RBBP8: variants seen among roughly 807,000 people sequenced by gnomAD.
RBBP8 encodes the protein RB binding protein 8, endonuclease.
Under a neutral mutation model 108.3 loss-of-function variants are expected in RBBP8, and 88 were observed. The observed-to-expected ratio is 0.81, with a 90% confidence interval of 0.68 to 0.97. RBBP8 has a LOEUF of 0.97. RBBP8 is among the 50% of genes least tolerant of loss of function. The probability of loss-of-function intolerance (pLI) is 0.00; values close to 1 mark genes in which losing one functional copy is unlikely to be tolerated. For synonymous variants in RBBP8, 332 were observed against 348.2 expected, an observed-to-expected ratio of 0.95 and a Z score of 0.52; for missense variants, 1,023 against 1,049.0, an observed-to-expected ratio of 0.98 and a Z score of 0.34.
At chr18:22,960,703 G>A (rs1913021641) in intron 4 of RBBP8, among the ~76,000 whole-genome samples, 1 of 152,132 alleles carries the variant, frequency 6.6e-6, no homozygotes, top group Non-Finnish European at 1.5e-5. Flanking sequence ...CTCCCAAAGT[G>A]CTAAGATTAT....
chr18:22,991,380 A>G (rs1009347282), intron 10 of RBBP8, among the ~76,000 whole-genome samples: 1 of 152,228 alleles, frequency 6.6e-6, no homozygotes, highest in Non-Finnish European at 1.5e-5. Flanking sequence ...AAATGCATCT[A>G]GAAGCTTGGA....
At chr18:22,932,980 A>ACC (rs1694700924), upstream of RBBP8, among the ~76,000 whole-genome samples, 1 of 152,104 alleles carries the variant, frequency 6.6e-6, no homozygotes, top group Non-Finnish European at 1.5e-5. Context: ...CCGCGTCCAT[A>ACC]CCCCCCATCA....
chr18:22,947,456 G>A (rs937797685), intron 3 of RBBP8, among the ~76,000 whole-genome samples: 6 of 151,922 alleles, frequency 3.9e-5, no homozygotes, highest in African/African-American at 1.4e-4. Flanking sequence ...AGACAGGAAG[G>A]TTTGTTATCT....
chr18:23,002,306 C>A (rs1352570468), intron 15 of RBBP8, among the ~76,000 whole-genome samples: 1 of 152,090 alleles, frequency 6.6e-6, no homozygotes, highest in Non-Finnish European at 1.5e-5. Flanking sequence ...TACTTGGGGG[C>A]TGGAGCGAGA....
chr18:23,005,792 C>T (rs1271693624), intron 15 of RBBP8, among the ~76,000 whole-genome samples: 1 of 152,290 alleles, frequency 6.6e-6, no homozygotes, highest in South Asian at 2.1e-4. Context: ...TTCTTTTATA[C>T]TCTAAAATAC....
intron 1 of RBBP8, among the ~76,000 whole-genome samples, chr18:22,936,533 C>T (rs1029512780): frequency 4.6e-5 from 7 of 152,066 alleles, no homozygotes; most frequent in Non-Finnish European, 8.8e-5. Flanking sequence ...GAAAATTTGC[C>T]TGAAAATTTA....
At chr18:22,958,154 ATCT>A (rs1408463209) in intron 4 of RBBP8, among the ~76,000 whole-genome samples, 2 of 152,306 alleles carry the variant, frequency 1.3e-5, no homozygotes, top group South Asian at 2.1e-4. Flanking sequence ...GACAATAGTT[ATCT>A]TCTTTTCTAT....
At chr18:23,000,600 G>A (rs2045930669) in intron 14 of RBBP8, among the ~76,000 whole-genome samples, 5 of 151,918 alleles carry the variant, frequency 3.3e-5, no homozygotes, top group Admixed American at 3.3e-4. Context: ...ACATTAGCCG[G>A]GTATGGTGGC....
In RBBP8 at chr18:22,984,965, T is replaced by A; in HGVS notation, c.684T>A (p.Tyr228Ter). 6.2e-7 allele frequency: 1 copy of A among 1,611,842 alleles called. No homozygotes were observed. The highest frequency in any genetic ancestry group is 8.5e-7 in the Non-Finnish European group (1 of 1,178,360). Residue 228 changes from tyrosine (Y) to a stop codon, truncating the protein, a stop_gained, in exon 8 of 19, where the codon TAT becomes TAA. Transcript: ENST00000327155. LOFTEE classifies it high-confidence loss of function. ...NENEILVADTYDQSQSPMAKA... is the reference protein window; with the variant it reads ...NENEILVADT Reference sequence around the variant, plus strand: ...ATGAAATTCTAGTAGCTGACACTTATGACCAAAGTCAATCTCCAATGGCCA... The same window carrying A: ...ATGAAATTCTAGTAGCTGACACTTAAGACCAAAGTCAATCTCCAATGGCCA...
intron 4 of RBBP8, among the ~76,000 whole-genome samples, chr18:22,951,307 G>T (rs1912016662): frequency 6.6e-6 from 1 of 152,280 alleles, no homozygotes; most frequent in African/African-American, 2.4e-5. Flanking sequence ...ACATATCTTA[G>T]TTGGTGAATA....
At chr18:22,951,384 CAAAT>C (rs753016104) in intron 4 of RBBP8, among the ~76,000 whole-genome samples, 7 of 152,002 alleles carry the variant, frequency 4.6e-5, no homozygotes, top group African/African-American at 1.5e-4. Context: ...ATACGACAAA[CAAAT>C]GAGACAATTT....
chr18:22,946,451 A>C lies in RBBP8; in HGVS notation c.117A>C (p.Gln39His). 1.2e-6 allele frequency: 2 copies of C among 1,612,838 alleles called. No individual in the cohort carries two copies. Among genetic ancestry groups the C allele is most frequent in the Non-Finnish European group, 1.7e-6 (2 of 1,179,272 alleles). ...TTTCTTTTTACTTTTCAGGTTTACA[A>C]GTAAAAGTAACCAAGCTAAAACAGG... is the stretch of plus-strand genomic sequence containing the variant. ...ECHDREVQGL[Q>H]VKVTKLKQER... Residue 39 changes from glutamine (Q) to histidine (H), a missense_variant, in exon 3 of 19, where the codon CAA becomes CAC. Physicochemically the swap from Gln to His is conservative, Grantham distance 24. Transcript: ENST00000327155.
intron 15 of RBBP8, among the ~76,000 whole-genome samples, chr18:23,005,048 A>G (rs1341714631): frequency 6.6e-6 from 1 of 152,184 alleles, no homozygotes; most frequent in Non-Finnish European, 1.5e-5. Flanking sequence ...TAGTAGTCCC[A>G]GCTACTTGGG....
chr18:22,923,414 TGCCTTCTGCCTGGAAA>T (rs1198749993), intron 3 of RBBP8, among the ~76,000 whole-genome samples: 1 of 152,228 alleles, frequency 6.6e-6, no homozygotes, highest in Non-Finnish European at 1.5e-5. Flanking sequence ...CCTTTGCACA[TGCCTTCTGCCTGGAAA>T]GCCTTCTGCC....
rs529753808 is a variant in RBBP8 at position 22,995,211 on chromosome 18, A to ATTT, written c.1940-1158_1940-1156dup. Among the ~76,000 whole-genome samples, 710 of 151,380 alleles carry ATTT rather than the reference A, an allele frequency of 4.7e-3. 5 individuals carry two copies. Among genetic ancestry groups the ATTT allele is most frequent in the African/African-American group, 0.016 (678 of 41,190 alleles). On this transcript the variant is annotated intron_variant, in intron 12 of 18. Coordinates refer to ENST00000327155, the MANE Select transcript of RBBP8 (RefSeq NM_002894.3). ...AGTGTTTTAGTCTCTATATGAAAAC[A>ATTT]TTTTTTTCACTATCATTCATGATTT... is the stretch of plus-strand genomic sequence containing the variant.
At chr18:22,968,978 T>C in intron 5 of RBBP8, 60 bp downstream of exon 5, 1 of 1,295,092 alleles carries the variant, frequency 7.7e-7, no homozygotes. Flanking sequence ...TTAAGACCTA[T>C]TAGTAAATTG....
At chr18:22,977,202 G>A (rs796761586) in intron 6 of RBBP8, among the ~76,000 whole-genome samples, 173 of 105,450 alleles carry the variant, frequency 1.6e-3, no homozygotes, top group African/African-American at 8.8e-3. Context: ...CAGCAGTTTT[G>A]TTTTGTTTTG....
At chr18:22,958,367 C>T (rs148942728) in intron 4 of RBBP8, among the ~76,000 whole-genome samples, 1,567 of 152,286 alleles carry the variant, frequency 0.01, 24 homozygotes, top group African/African-American at 0.036. Flanking sequence ...TTGTTTTTTA[C>T]TTTGTCCCCA....
rs142828641 is a variant in RBBP8 at position 22,933,387 on chromosome 18, C to A, written c.-276C>A. The A allele has an allele frequency of 1.6e-3, 253 of 153,364 alleles. No homozygotes were observed. The highest frequency in any genetic ancestry group is 5.6e-3 in the African/African-American group (233 of 41,590). The allele number at this position is 153,364 out of a possible 1,614,324, so 9.5% of individuals were successfully genotyped here. On this transcript the variant is annotated 5_prime_UTR_variant, in exon 1 of 19. Transcript: ENST00000327155. Reference sequence around the variant, plus strand: ...TCCGGCCGCCTCCGAGCCCGGCCGGCAGCCCCCGGCCTTAAAGCGCGGGCT... The same window carrying A: ...TCCGGCCGCCTCCGAGCCCGGCCGGAAGCCCCCGGCCTTAAAGCGCGGGCT...
Sources: gnomAD v4.1 joint callset for allele counts (sites outside exome capture counted in the v4.1 genomes callset) on GRCh38, gnomAD v4.1.1 for gene constraint, MANE v1.5 for transcripts, NCBI Gene and HGNC (gene_info 2026-07-23, HGNC 2026-07-21) for gene names.